Variants in TENM2 observed in about 807,000 individuals in gnomAD.
TENM2 encodes teneurin-2.
TENM2 carries 52 observed loss-of-function variants against 245.2 expected under a neutral mutation model. The ratio of observed to expected loss-of-function variants is 0.21; its 90% CI spans 0.17 to 0.27. TENM2 has a LOEUF of 0.27. TENM2 is among the 10% of genes least tolerant of loss of function. The pLI, the probability that TENM2 is intolerant of heterozygous loss-of-function variation, is 1.00. For synonymous variants in TENM2, 1,363 were observed against 1,438.9 expected (o/e 0.95, Z 1.19); for missense variants, 3,046 against 3,666.8 (o/e 0.83, Z 4.37).
intron 1 of TENM2, among the ~76,000 whole-genome samples, chr5:167,285,679 C>G (rs1771303324): frequency 6.6e-6 from 1 of 152,192 alleles, no homozygotes; most frequent in South Asian, 2.1e-4. Flanking sequence ...GTAAATGCAT[C>G]AACACGTAGA....
At chr5:168,127,752 T>A (rs889060724) in intron 12 of TENM2, among the ~76,000 whole-genome samples, 1 of 152,122 alleles carries the variant, frequency 6.6e-6, no homozygotes, top group Non-Finnish European at 1.5e-5. Context: ...AACTTGAGCA[T>A]CATTTTACCT....
At chr5:167,622,350 G>T (rs1436753039) in intron 2 of TENM2, among the ~76,000 whole-genome samples, 1 of 152,062 alleles carries the variant, frequency 6.6e-6, no homozygotes, top group African/African-American at 2.4e-5. Context: ...TGCTTTAAAA[G>T]CTCATGTTGC....
At position 167,735,255 on chromosome 5, in the gene TENM2, GA is replaced by G. The variant is rs1292719908; in HGVS notation, c.503-140724del. 1.2e-4 allele frequency among the ~76,000 whole-genome samples: 19 copies of G among 152,050 alleles called. 1 individual carries two copies. The highest frequency in any genetic ancestry group is 2.4e-4 in the Non-Finnish European group (16 of 68,000). On this transcript the variant is annotated intron_variant, in intron 2 of 28. Transcript: ENST00000518659. ...TGTTGAAGTCTGAAAATTTACAGAT[GA>G]AAAAAACTATGTCAAGATATCCAAG...
intron 2 of TENM2, among the ~76,000 whole-genome samples, chr5:167,554,959 AT>A (rs1234943576): frequency 6.6e-6 from 1 of 152,158 alleles, no homozygotes; most frequent in Non-Finnish European, 1.5e-5. Context: ...GAAAATCCTT[AT>A]AAATTAATTT....
intron 4 of TENM2, among the ~76,000 whole-genome samples, chr5:167,966,051 A>G (rs1242354917): frequency 1.3e-5 from 2 of 152,202 alleles, no homozygotes; most frequent in Non-Finnish European, 2.9e-5. Context: ...GTTACTGGAC[A>G]TAGACTTAGT....
rs146478499 is a variant in TENM2 at position 167,756,096 on chromosome 5, G to A, written c.503-119890G>A. On this transcript the variant is annotated intron_variant, in intron 2 of 28. Transcript: ENST00000518659. ...CAAAAGACTCATCCAGGGCCACACC[G>A]TTAGAACTGGACATGTTGGTATTTC... 7.9e-5 allele frequency among the ~76,000 whole-genome samples: 12 copies of A among 152,194 alleles called. No homozygotes were observed. In the East Asian group the frequency reaches 9.7e-4, roughly 12 times the overall value.
At chr5:168,144,189 T>A (rs879704150) in intron 12 of TENM2, among the ~76,000 whole-genome samples, 32 of 152,026 alleles carry the variant, frequency 2.1e-4, no homozygotes, top group Non-Finnish European at 4.3e-4. Flanking sequence ...TTTTTTTTTT[T>A]ATTATTATAC....
intron 2 of TENM2, among the ~76,000 whole-genome samples, chr5:167,591,951 A>G (rs775441780): frequency 2.0e-5 from 3 of 152,236 alleles, no homozygotes; most frequent in Non-Finnish European, 4.4e-5. Context: ...TGTAAGCATC[A>G]AAATAAAATA....
chr5:167,184,848 GAATTCTATTCTTAGTCTTTAAGGT>G, the TENM2 span, among the ~76,000 whole-genome samples: 2 of 152,028 alleles, frequency 1.3e-5, no homozygotes, highest in Non-Finnish European at 2.9e-5. Context: ...CCTAAACCTG[GAATTCTATTCTTAGTCTTTAAGGT>G]AAGATGCAGC....
Position 167,609,504 on chromosome 5 carries a change from AAAAAAAAAC to A in TENM2, c.502+234036_502+234044del, listed in dbSNP as rs1341063579. On this transcript the variant is annotated intron_variant, in intron 2 of 28. Transcript: ENST00000518659. ...CTGATGATGCAAAAAAAAAAAAAAA[AAAAAAAAAC>A]AAAACCTTACCTAGAAGGTTTTTTA... 1.7e-4 allele frequency among the ~76,000 whole-genome samples: 25 copies of A among 145,166 alleles called. No individual in the cohort carries two copies. The East Asian group carries it at 3.5e-3, about 20-fold the overall frequency.
At chr5:168,233,886 G>A (rs1288518565) in intron 25 of TENM2, among the ~76,000 whole-genome samples, 2 of 152,150 alleles carry the variant, frequency 1.3e-5, no homozygotes, top group Non-Finnish European at 1.5e-5. Context: ...ATCAGATCTC[G>A]TGATACTTAT....
intron 1 of TENM2, among the ~76,000 whole-genome samples, chr5:167,361,979 T>C (rs185580977): frequency 4.6e-5 from 7 of 151,814 alleles, no homozygotes; most frequent in African/African-American, 1.7e-4. Context: ...GACATAAGAA[T>C]TTTTTTTAAC....
chr5:167,979,215 A>G (rs1562009947), intron 4 of TENM2, among the ~76,000 whole-genome samples: 1 of 152,188 alleles, frequency 6.6e-6, no homozygotes, highest in Non-Finnish European at 1.5e-5. Context: ...AGGTAGGGGG[A>G]AAAGAGAATG....
intron 2 of TENM2, among the ~76,000 whole-genome samples, chr5:167,714,403 G>C (rs1033542507): frequency 2.0e-5 from 3 of 152,192 alleles, no homozygotes; most frequent in Non-Finnish European, 4.4e-5. Flanking sequence ...CGTGCATTGA[G>C]AATGGCATTG....
chr5:167,217,975 C>T, the TENM2 span, among the ~76,000 whole-genome samples: 11 of 152,046 alleles, frequency 7.2e-5, no homozygotes, highest in South Asian at 2.1e-3. Flanking sequence ...CTTAAAAAAA[C>T]ACATCAAAAC....
At chr5:167,556,436 A>ATATG (rs1428527632) in intron 2 of TENM2, among the ~76,000 whole-genome samples, 24 of 149,980 alleles carry the variant, frequency 1.6e-4, no homozygotes, top group Admixed American at 2.7e-4. Context: ...ATATATATAT[A>ATATG]TATGTATCTG....
chr5:167,616,915 G>A (rs1224680287), intron 2 of TENM2, among the ~76,000 whole-genome samples: 5 of 152,032 alleles, frequency 3.3e-5, no homozygotes, highest in Non-Finnish European at 7.4e-5. Context: ...CATTTGTTCT[G>A]TAGGGAGGCC....
chr5:167,795,339 G>A (rs1161248218), intron 2 of TENM2, among the ~76,000 whole-genome samples: 1 of 152,178 alleles, frequency 6.6e-6, no homozygotes, highest in Non-Finnish European at 1.5e-5. Flanking sequence ...GCAGGAAAGT[G>A]TTTTGGGGAA....
chr5:167,147,741 T>A, the TENM2 span, among the ~76,000 whole-genome samples: 1 of 152,158 alleles, frequency 6.6e-6, no homozygotes, highest in Non-Finnish European at 1.5e-5. Context: ...GCAATTGACA[T>A]TATTCCTACC....
Sources: gnomAD v4.1 joint callset for allele counts (sites outside exome capture counted in the v4.1 genomes callset) on GRCh38, gnomAD v4.1.1 for gene constraint, MANE v1.5 for transcripts, NCBI Gene and HGNC (gene_info 2026-07-23, HGNC 2026-07-21) for gene names.